The following SLC6A11 variants were observed in gnomAD, a reference collection of about 807,000 sequenced individuals.
The protein encoded by SLC6A11 is solute carrier family 6 member 11.
A neutral mutation model predicts 74.8 loss-of-function variants in SLC6A11; 25 were observed. The ratio of observed to expected loss-of-function variants is 0.33; its 90% CI spans 0.24 to 0.47. The LOEUF (loss-of-function observed/expected upper bound fraction) is 0.47, where lower values mean the gene tolerates loss of function less well. Ranked by LOEUF, SLC6A11 falls within the 20% of genes least tolerant of loss-of-function variation. SLC6A11 has a pLI of 1.00. For synonymous variants in SLC6A11, 330 were observed against 330.2 expected, an observed-to-expected ratio of 1.00 and a Z score of 0.01; for missense variants, 574 against 837.0, an observed-to-expected ratio of 0.69 and a Z score of 3.88.
chr3:10,816,957 C>G lies in SLC6A11; in HGVS notation c.256+436C>G, dbSNP rs894867617. Among the ~76,000 whole-genome samples the G allele has an allele frequency of 6.6e-6, 1 of 152,214 alleles. No homozygotes were observed. The highest frequency in any genetic ancestry group is 2.4e-5 in the African/African-American group (1 of 41,454). On this transcript the variant is annotated intron_variant, in intron 1 of 13. Transcript: ENST00000254488. This position sits in a 1 kb window ranked among gnomAD's most constrained non-coding sequence, Gnocchi z 4.2. ...TACTGAAGTGCCGAGCACCTTTGAC[C>G]ATATCATCTCATCTCATCCTCTCAG...
At chr3:10,922,883 G>A (rs1174586705) in intron 8 of SLC6A11, among the ~76,000 whole-genome samples, 5 of 152,108 alleles carry the variant, frequency 3.3e-5, no homozygotes, top group Non-Finnish European at 7.4e-5. Context: ...CAAAAATAAC[G>A]ATACTGTGCT....
intron 5 of SLC6A11, among the ~76,000 whole-genome samples, chr3:10,863,390 C>T (rs1694727600): frequency 6.6e-6 from 1 of 152,176 alleles, no homozygotes; most frequent in Admixed American, 6.5e-5. Flanking sequence ...AGATTAAGAG[C>T]CTGAGGCTTA....
At chr3:10,842,026 A>T (rs1694444904) in intron 4 of SLC6A11, among the ~76,000 whole-genome samples, 1 of 152,064 alleles carries the variant, frequency 6.6e-6, no homozygotes, top group Admixed American at 6.5e-5. Context: ...GGCATTGGGG[A>T]TGCTTTTGGT....
chr3:10,884,603 G>A (rs1315576969), intron 6 of SLC6A11, among the ~76,000 whole-genome samples: 1 of 152,210 alleles, frequency 6.6e-6, no homozygotes, highest in Non-Finnish European at 1.5e-5. Flanking sequence ...CTGAAACTGT[G>A]TCGTGTCTGA....
intron 4 of SLC6A11, chr3:10,825,459 C>A (rs1344402526): frequency 6.6e-6 from 1 of 152,128 alleles, no homozygotes; most frequent in Non-Finnish European, 1.5e-5. Flanking sequence ...TCTTTTCTTA[C>A]AGATAGAAAT....
chr3:10,868,021 A>G (rs1192390641), intron 5 of SLC6A11, among the ~76,000 whole-genome samples: 1 of 152,224 alleles, frequency 6.6e-6, no homozygotes, highest in African/African-American at 2.4e-5. Flanking sequence ...AGAGTGTACT[A>G]ATATATAGAT....
intron 8 of SLC6A11, among the ~76,000 whole-genome samples, chr3:10,925,337 C>T (rs750175405): frequency 6.6e-6 from 1 of 152,198 alleles, no homozygotes; most frequent in Non-Finnish European, 1.5e-5. Flanking sequence ...TTTATTATCC[C>T]CATATTTCAG....
At chr3:10,889,045 C>T (rs577737806) in intron 6 of SLC6A11, among the ~76,000 whole-genome samples, 43 of 152,184 alleles carry the variant, frequency 2.8e-4, no homozygotes, top group African/African-American at 9.6e-4. Flanking sequence ...CTTTAACCCC[C>T]CTCTCCAAAA....
At chr3:10,896,361 G>A (rs1030585571) in intron 6 of SLC6A11, among the ~76,000 whole-genome samples, 17 of 152,240 alleles carry the variant, frequency 1.1e-4, no homozygotes, top group African/African-American at 4.1e-4. Context: ...TTTACTGTGA[G>A]CCAGGTGCTC....
intron 12 of SLC6A11, 146 bp downstream of exon 12, chr3:10,934,312 C>T: frequency 1.7e-6 from 1 of 587,854 alleles, no homozygotes; most frequent in East Asian, 2.8e-5. Context: ...TACAAAGCTG[C>T]ACCCATGGGC....
chr3:10,904,825 G>T (rs925489929), intron 6 of SLC6A11, among the ~76,000 whole-genome samples: 2 of 152,132 alleles, frequency 1.3e-5, no homozygotes, highest in Non-Finnish European at 2.9e-5. Context: ...GTTCAAACCC[G>T]ACTCTCTCCC....
At chr3:10,917,421 G>A (rs1331502424) in intron 7 of SLC6A11, among the ~76,000 whole-genome samples, 3 of 152,188 alleles carry the variant, frequency 2.0e-5, no homozygotes, top group Admixed American at 6.5e-5. Context: ...CCTCTGGCAG[G>A]AGGTTGAACA....
At chr3:10,908,208 A>G (rs993186513) in intron 6 of SLC6A11, among the ~76,000 whole-genome samples, 4 of 151,370 alleles carry the variant, frequency 2.6e-5, no homozygotes, top group African/African-American at 9.7e-5. Flanking sequence ...AAATTTGAAT[A>G]TAATAACATA....
intron 5 of SLC6A11, among the ~76,000 whole-genome samples, chr3:10,857,429 A>G (rs902986930): frequency 6.6e-6 from 1 of 152,104 alleles, no homozygotes; most frequent in African/African-American, 2.4e-5. Flanking sequence ...TGTTTTGGGA[A>G]AGTGGAGGTG....
intron 6 of SLC6A11, among the ~76,000 whole-genome samples, chr3:10,893,016 G>A (rs1469679178): frequency 6.6e-6 from 1 of 152,178 alleles, no homozygotes; most frequent in Admixed American, 6.5e-5. Flanking sequence ...ATGATGGCTT[G>A]CAAACTGCCT....
chr3:10,829,342 C>T (rs1694261254), intron 4 of SLC6A11, among the ~76,000 whole-genome samples: 1 of 152,204 alleles, frequency 6.6e-6, no homozygotes, highest in Non-Finnish European at 1.5e-5. Flanking sequence ...CCAGCCTCAT[C>T]TCTACAGGTA....
At chr3:10,827,360 G>C (rs1694224591) in intron 4 of SLC6A11, among the ~76,000 whole-genome samples, 1 of 152,122 alleles carries the variant, frequency 6.6e-6, no homozygotes, top group Non-Finnish European at 1.5e-5. Context: ...GAAACATTTT[G>C]CTAGGAATAA....
intron 5 of SLC6A11, among the ~76,000 whole-genome samples, chr3:10,872,991 G>A (rs190505014): frequency 1.3e-5 from 2 of 152,334 alleles, no homozygotes; most frequent in East Asian, 3.9e-4. Flanking sequence ...GCCCCACTGA[G>A]AGGACAGAAC....
chr3:10,929,814 G>A (rs548315879), intron 10 of SLC6A11, among the ~76,000 whole-genome samples: 1 of 152,274 alleles, frequency 6.6e-6, no homozygotes, highest in South Asian at 2.1e-4. Flanking sequence ...ACTTCTATGC[G>A]TGCCCCTCTT....
Sources: allele counts gnomAD v4.1 joint callset (sites outside exome capture counted in the v4.1 genomes callset), GRCh38; gene constraint gnomAD v4.1.1; non-coding constraint Gnocchi (gnomAD v3.1); transcripts MANE v1.5; gene names NCBI Gene and HGNC (gene_info 2026-07-23, HGNC 2026-07-21).